DIP2C: variants seen among roughly 807,000 people sequenced by gnomAD.
The protein encoded by DIP2C is disco-interacting protein 2 homolog C.
In DIP2C, 33 loss-of-function variants were observed where a neutral mutation model predicts 192.4. That is an observed-to-expected ratio of 0.17 (90% CI 0.13 to 0.23). DIP2C has a LOEUF of 0.23. DIP2C is among the 10% of genes least tolerant of loss of function. The pLI is 1.00. For synonymous variants in DIP2C, 979 were observed against 864.1 expected, an observed-to-expected ratio of 1.13 and a Z score of -2.33; for missense variants, 1,537 against 2,110.1, an observed-to-expected ratio of 0.73 and a Z score of 5.32.
At chr10:516,914 G>T (rs1356440371) in intron 1 of DIP2C, among the ~76,000 whole-genome samples, 1 of 150,346 alleles carries the variant, frequency 6.7e-6, no homozygotes, top group Non-Finnish European at 1.5e-5. Flanking sequence ...AGCTCAGGAT[G>T]AACCCAGTTT....
At chr10:391,897 T>G (rs1457162040) in intron 10 of DIP2C, among the ~76,000 whole-genome samples, 1 of 152,152 alleles carries the variant, frequency 6.6e-6, no homozygotes, top group Non-Finnish European at 1.5e-5. Flanking sequence ...GATTTAAAAT[T>G]TCAAAGCTGT....
chr10:396,020 G>A (rs1963961604), intron 10 of DIP2C, among the ~76,000 whole-genome samples: 1 of 152,106 alleles, frequency 6.6e-6, no homozygotes, highest in Admixed American at 6.6e-5. Context: ...CTCTACTCGG[G>A]TACAAGGGGC....
At chr10:320,553 A>G (rs1341181605) in intron 31 of DIP2C, among the ~76,000 whole-genome samples, 1 of 152,022 alleles carries the variant, frequency 6.6e-6, no homozygotes, top group Non-Finnish European at 1.5e-5. Flanking sequence ...GACAAAATGT[A>G]TCCAACATCC....
chr10:424,647 A>T (rs1442318755), intron 4 of DIP2C, among the ~76,000 whole-genome samples: 1 of 152,114 alleles, frequency 6.6e-6, no homozygotes, highest in Admixed American at 6.5e-5. Flanking sequence ...TACAGGCCTG[A>T]GCCACCGCTC....
intron 1 of DIP2C, among the ~76,000 whole-genome samples, chr10:633,255 T>C (rs816568): frequency 0.87 from 132,223 of 152,306 alleles, 58,535 homozygotes; most frequent in South Asian, 0.97. Context: ...CTGTTCTCTG[T>C]ACCCTTTCCA....
intron 1 of DIP2C, among the ~76,000 whole-genome samples, chr10:552,946 C>T (rs1848658003): frequency 6.6e-6 from 1 of 152,252 alleles, no homozygotes; most frequent in African/African-American, 2.4e-5. Context: ...GCCCAGAAGG[C>T]CGAGCCTTTG....
chr10:629,068 G>C (rs1854358118), intron 1 of DIP2C, among the ~76,000 whole-genome samples: 1 of 152,316 alleles, frequency 6.6e-6, no homozygotes, highest in South Asian at 2.1e-4. Context: ...GTTAGAGAAG[G>C]GGCTGCCGAG....
chr10:565,487 T>C (rs1471530288), intron 1 of DIP2C, among the ~76,000 whole-genome samples: 2 of 151,980 alleles, frequency 1.3e-5, no homozygotes, highest in Non-Finnish European at 2.9e-5. Flanking sequence ...CCTTTTTCCA[T>C]CTTAGCTCTT....
intron 1 of DIP2C, among the ~76,000 whole-genome samples, chr10:571,398 C>G (rs1016048419): frequency 6.6e-6 from 1 of 152,166 alleles, no homozygotes; most frequent in Non-Finnish European, 1.5e-5. Context: ...CCGCGAGGGT[C>G]GGGAACCGGC....
chr10:293,704 A>G (rs560244392), intron 32 of DIP2C, among the ~76,000 whole-genome samples: 88 of 152,382 alleles, frequency 5.8e-4, no homozygotes, highest in African/African-American at 1.8e-3. Context: ...AGTGAAGCAC[A>G]TAAGAGCATT....
chr10:644,370 T>C (rs1855351535), intron 1 of DIP2C, among the ~76,000 whole-genome samples: 1 of 152,214 alleles, frequency 6.6e-6, no homozygotes, highest in Non-Finnish European at 1.5e-5. Context: ...CTAAGAAGAG[T>C]GAAGCTGTTG....
intron 1 of DIP2C, among the ~76,000 whole-genome samples, chr10:580,471 TAC>T (rs746094985): frequency 3.2e-4 from 49 of 152,308 alleles, no homozygotes; most frequent in Non-Finnish European, 5.6e-4. Flanking sequence ...ACATATGCAG[TAC>T]AGATACATGT....
chr10:616,219 T>G (rs532274819), intron 1 of DIP2C, among the ~76,000 whole-genome samples: 3 of 152,328 alleles, frequency 2.0e-5, no homozygotes, highest in African/African-American at 7.2e-5. Flanking sequence ...AAGCAGCCGT[T>G]TGTAATCTGG....
chr10:483,499 G>A (rs775017515), intron 2 of DIP2C, among the ~76,000 whole-genome samples: 17 of 152,096 alleles, frequency 1.1e-4, no homozygotes, highest in Non-Finnish European at 1.8e-4. Flanking sequence ...CCCTAGCACC[G>A]CTGTCCGGAG....
chr10:594,492 C>G (rs1469250529), intron 1 of DIP2C, among the ~76,000 whole-genome samples: 2 of 151,780 alleles, frequency 1.3e-5, no homozygotes, highest in African/African-American at 2.4e-5. Flanking sequence ...GGAACATGGC[C>G]GAGTACAAAC....
intron 1 of DIP2C, among the ~76,000 whole-genome samples, chr10:596,361 G>A (rs907465519): frequency 6.6e-6 from 1 of 151,514 alleles, no homozygotes; most frequent in Admixed American, 6.6e-5. Context: ...AATTAGCCGG[G>A]CGCAGGTGCC....
chr10:458,202 TA>T (rs1969464177), intron 3 of DIP2C, among the ~76,000 whole-genome samples: 1 of 152,194 alleles, frequency 6.6e-6, no homozygotes, highest in South Asian at 2.1e-4. Context: ...GGCCGCACTG[TA>T]GGCCGCCTTC....
chr10:313,236 A>G (rs765736050), intron 31 of DIP2C, among the ~76,000 whole-genome samples: 1 of 152,238 alleles, frequency 6.6e-6, no homozygotes, highest in Non-Finnish European at 1.5e-5. Flanking sequence ...AGTGCCCCTC[A>G]GTATTTAAGG....
chr10:687,558 C>A (rs1235707279), intron 1 of DIP2C, among the ~76,000 whole-genome samples: 1 of 152,204 alleles, frequency 6.6e-6, no homozygotes, highest in Non-Finnish European at 1.5e-5. Context: ...ACACACACAC[C>A]CCTTTCTCTG....
Sources: allele counts gnomAD v4.1 joint callset (sites outside exome capture counted in the v4.1 genomes callset), GRCh38; gene constraint gnomAD v4.1.1; transcripts MANE v1.5; gene names NCBI Gene and HGNC (gene_info 2026-07-23, HGNC 2026-07-21).